RALYL: variants seen among roughly 807,000 people sequenced by gnomAD.
RALYL encodes RALY RNA binding protein like.
In RALYL, 29 loss-of-function variants were observed where a neutral mutation model predicts 35.1. The ratio of observed to expected loss-of-function variants is 0.83; its 90% confidence interval spans 0.61 to 1.13. The LOEUF (loss-of-function observed/expected upper bound fraction) is 1.13. Among genes scored for constraint, RALYL ranks in the 50% most tolerant of loss-of-function variants. The pLI is 0.00. For missense variants in RALYL, 359 were observed against 360.4 expected (o/e 1.00, Z 0.03); for synonymous variants, 120 against 127.6 (o/e 0.94, Z 0.40).
intron 2 of RALYL, among the ~76,000 whole-genome samples, chr8:84,654,320 A>C (rs1829534237): frequency 1.0e-5 from 1 of 98,950 alleles, no homozygotes; most frequent in Admixed American, 1.1e-4. Context: ...TATATCATGT[A>C]CCACATATAG....
chr8:84,544,807 T>A (rs904931643), intron 2 of RALYL, among the ~76,000 whole-genome samples: 1 of 152,034 alleles, frequency 6.6e-6, no homozygotes, highest in South Asian at 2.1e-4. Flanking sequence ...CATATATCCA[T>A]ATATTTGGAA....
chr8:84,493,541 A>G (rs2055595610), intron 1 of RALYL, among the ~76,000 whole-genome samples: 1 of 152,094 alleles, frequency 6.6e-6, no homozygotes. Context: ...CAACAGTAAA[A>G]GCTTTCCTAT....
chr8:84,730,418 A>G (rs899124094), intron 2 of RALYL, among the ~76,000 whole-genome samples: 1 of 152,200 alleles, frequency 6.6e-6, no homozygotes, highest in African/African-American at 2.4e-5. Flanking sequence ...ACATACCCAC[A>G]GCCAATATCA....
At chr8:84,544,937 T>A (rs117292137) in intron 2 of RALYL, among the ~76,000 whole-genome samples, 4,663 of 152,176 alleles carry the variant, frequency 0.031, 122 homozygotes, top group Middle Eastern at 0.044. Context: ...GTGAAATCAG[T>A]TGTATTTTTC....
intron 2 of RALYL, among the ~76,000 whole-genome samples, chr8:84,729,650 G>GA (rs1241864926): frequency 1.3e-5 from 2 of 151,804 alleles, no homozygotes; most frequent in African/African-American, 2.4e-5. Context: ...GACTAGTAAA[G>GA]AAAAAAAGAG....
intron 1 of RALYL, among the ~76,000 whole-genome samples, chr8:84,511,883 T>C (rs1380538156): frequency 1.3e-5 from 2 of 152,214 alleles, no homozygotes; most frequent in Non-Finnish European, 1.5e-5. Context: ...TCATCCTTTT[T>C]ATGGCTAGAT....
intron 2 of RALYL, among the ~76,000 whole-genome samples, chr8:84,635,589 A>C (rs1262819310): frequency 1.3e-5 from 2 of 150,900 alleles, no homozygotes; most frequent in Admixed American, 6.6e-5. Flanking sequence ...AGAGATTTAC[A>C]AAAAAAAATC....
intron 1 of RALYL, among the ~76,000 whole-genome samples, chr8:84,191,441 A>G (rs778187780): frequency 6.6e-6 from 1 of 152,174 alleles, no homozygotes; most frequent in Non-Finnish European, 1.5e-5. Flanking sequence ...TCAGGAAGCA[A>G]TGAGCCCTTC....
intron 1 of RALYL, among the ~76,000 whole-genome samples, chr8:84,443,864 C>A (rs1034358136): frequency 6.6e-6 from 1 of 152,156 alleles, no homozygotes; most frequent in South Asian, 2.1e-4. Context: ...AACACAAACT[C>A]GATGATAGCA....
At chr8:84,756,967 T>A (rs891546678) in intron 2 of RALYL, among the ~76,000 whole-genome samples, 22 of 152,122 alleles carry the variant, frequency 1.4e-4, no homozygotes, top group African/African-American at 5.1e-4. Flanking sequence ...GAACACACCA[T>A]TTTTATTTAA....
At chr8:84,615,570 CTTTTTTTTTTTTT>C (rs60428128) in intron 2 of RALYL, among the ~76,000 whole-genome samples, 3 of 67,362 alleles carry the variant, frequency 4.5e-5, no homozygotes, top group African/African-American at 6.5e-5. Context: ...GAACTTTCGT[CTTTTTTTTTTTTT>C]TTTTTTTTTT....
chr8:84,826,794 C>CA (rs1431973184), intron 4 of RALYL, among the ~76,000 whole-genome samples: 3 of 151,912 alleles, frequency 2.0e-5, no homozygotes, highest in African/African-American at 7.3e-5. Flanking sequence ...CACACACACT[C>CA]ACAAAGCTGA....
chr8:84,901,602 G>T (rs1343462172), intron 8 of RALYL, among the ~76,000 whole-genome samples: 2 of 152,124 alleles, frequency 1.3e-5, no homozygotes, highest in Non-Finnish European at 2.9e-5. Flanking sequence ...TTTATGAGAG[G>T]AGTAAACAAG....
At chr8:84,318,155 G>T (rs968975823) in intron 1 of RALYL, among the ~76,000 whole-genome samples, 1 of 152,054 alleles carries the variant, frequency 6.6e-6, no homozygotes, top group Non-Finnish European at 1.5e-5. Flanking sequence ...TGTTAAAGAC[G>T]TATTAAGAAC....
At chr8:84,327,760 T>C (rs1846082957) in intron 1 of RALYL, among the ~76,000 whole-genome samples, 1 of 152,166 alleles carries the variant, frequency 6.6e-6, no homozygotes, top group African/African-American at 2.4e-5. Flanking sequence ...AATTCATTAA[T>C]GGGAGTTCTT....
chr8:84,479,521 G>A (rs2053834043), intron 1 of RALYL, among the ~76,000 whole-genome samples: 1 of 152,072 alleles, frequency 6.6e-6, no homozygotes, highest in Non-Finnish European at 1.5e-5. Context: ...TGAGAAACAA[G>A]TTCAGTTATT....
At chr8:84,597,291 CTATGATATTT>C (rs1564207120) in intron 2 of RALYL, among the ~76,000 whole-genome samples, 2 of 152,168 alleles carry the variant, frequency 1.3e-5, no homozygotes. Flanking sequence ...CCCCAATTCT[CTATGATATTT>C]TATGGCACCA....
intron 1 of RALYL, among the ~76,000 whole-genome samples, chr8:84,402,693 C>T (rs1251049869): frequency 6.6e-6 from 1 of 152,176 alleles, no homozygotes; most frequent in East Asian, 1.9e-4. Flanking sequence ...CATTTCCAAT[C>T]CTTACCTCTA....
chr8:84,413,313 G>A (rs1014080802), intron 1 of RALYL, among the ~76,000 whole-genome samples: 4 of 151,040 alleles, frequency 2.6e-5, no homozygotes, highest in African/African-American at 9.7e-5. Flanking sequence ...TAATTCCAAA[G>A]AATTATAAAT....
Sources: gnomAD v4.1 joint callset for allele counts (sites outside exome capture counted in the v4.1 genomes callset) on GRCh38, gnomAD v4.1.1 for gene constraint, MANE v1.5 for transcripts, NCBI Gene and HGNC (gene_info 2026-07-23, HGNC 2026-07-21) for gene names.